The following CTNNA3 variants were observed in gnomAD, a reference collection of about 807,000 sequenced individuals.
CTNNA3 encodes the protein catenin alpha-3.
CTNNA3 carries 76 observed loss-of-function variants against 95.7 expected under a neutral mutation model. The observed-to-expected ratio is 0.79, with a 90% CI of 0.66 to 0.96. CTNNA3 has a LOEUF of 0.96. Ranked by LOEUF, CTNNA3 falls within the 40% of genes least tolerant of loss-of-function variation. The probability of loss-of-function intolerance (pLI) is 0.00; values close to 1 mark genes in which losing one functional copy is unlikely to be tolerated. For missense variants in CTNNA3, 1,191 were observed against 1,089.8 expected (o/e 1.09, Z -1.31); for synonymous variants, 431 against 374.4 (o/e 1.15, Z -1.74).
At chr10:66,520,560 T>C in intron 11 of CTNNA3, 57 bp downstream of exon 11, 4 of 1,503,170 alleles carry the variant, frequency 2.7e-6, no homozygotes, top group Non-Finnish European at 3.6e-6. Flanking sequence ...CCCAGTATTA[T>C]TCTATTTTAT....
At chr10:66,612,495 C>T (rs145086624) in intron 10 of CTNNA3, among the ~76,000 whole-genome samples, 1 of 152,018 alleles carries the variant, frequency 6.6e-6, no homozygotes, top group Non-Finnish European at 1.5e-5. Flanking sequence ...TTAAGTGGGG[C>T]AACATCACTT....
intron 11 of CTNNA3, among the ~76,000 whole-genome samples, chr10:66,503,644 T>A (rs1452242969): frequency 6.6e-6 from 1 of 152,008 alleles, no homozygotes; most frequent in Non-Finnish European, 1.5e-5. Context: ...AATTTTTGTG[T>A]TTTTAGTAGA....
At chr10:66,229,987 T>A (rs2089509313) in intron 13 of CTNNA3, among the ~76,000 whole-genome samples, 1 of 152,102 alleles carries the variant, frequency 6.6e-6, no homozygotes, top group Non-Finnish European at 1.5e-5. Context: ...GAAATTTTTT[T>A]TCTGCTTAAT....
chr10:66,040,918 G>A (rs778457709), intron 15 of CTNNA3, among the ~76,000 whole-genome samples: 9 of 152,090 alleles, frequency 5.9e-5, no homozygotes, highest in African/African-American at 1.2e-4. Flanking sequence ...ATTAGTATGC[G>A]AAAGTTTGAG....
intron 7 of CTNNA3, among the ~76,000 whole-genome samples, chr10:67,083,230 G>A (rs539899179): frequency 1.3e-5 from 2 of 152,076 alleles, no homozygotes; most frequent in South Asian, 4.1e-4. Flanking sequence ...TAAAAAGAAA[G>A]TGTCTAAAGT....
chr10:67,576,315 T>A (rs950688095), intron 3 of CTNNA3, among the ~76,000 whole-genome samples: 6 of 152,152 alleles, frequency 3.9e-5, no homozygotes, highest in African/African-American at 1.4e-4. Flanking sequence ...TTGACCTAAG[T>A]AAATAGATGA....
At chr10:67,079,006 A>G (rs1232109352) in intron 7 of CTNNA3, among the ~76,000 whole-genome samples, 1 of 152,136 alleles carries the variant, frequency 6.6e-6, no homozygotes. Flanking sequence ...TGAAGTTTGG[A>G]TACAATTTCT....
At chr10:66,288,373 T>C (rs975466572) in intron 12 of CTNNA3, among the ~76,000 whole-genome samples, 1 of 151,674 alleles carries the variant, frequency 6.6e-6, no homozygotes, top group Non-Finnish European at 1.5e-5. Flanking sequence ...AAAAATAAAA[T>C]TCAATCAACA....
intron 5 of CTNNA3, among the ~76,000 whole-genome samples, chr10:67,249,786 G>T (rs976449281): frequency 2.0e-5 from 3 of 152,132 alleles, no homozygotes; most frequent in Admixed American, 1.3e-4. Context: ...ACAGGGCTCA[G>T]TCACACACAT....
intron 11 of CTNNA3, among the ~76,000 whole-genome samples, chr10:66,505,465 G>A (rs1376918887): frequency 6.6e-6 from 1 of 152,096 alleles, no homozygotes; most frequent in African/African-American, 2.4e-5. Flanking sequence ...AATCACAGAT[G>A]ACTCAGGGGA....
At chr10:67,688,955 C>T (rs1002097278) in intron 1 of CTNNA3, among the ~76,000 whole-genome samples, 2 of 152,156 alleles carry the variant, frequency 1.3e-5, no homozygotes, top group Non-Finnish European at 2.9e-5. Flanking sequence ...CGAGGAAGGT[C>T]AGATTTAGTG....
chr10:66,931,766 A>G (rs988252472), intron 7 of CTNNA3, among the ~76,000 whole-genome samples: 3 of 152,204 alleles, frequency 2.0e-5, no homozygotes. Flanking sequence ...CAGAGGCCAT[A>G]GAATTGGTAC....
At chr10:66,485,006 T>C (rs573802088) in intron 11 of CTNNA3, among the ~76,000 whole-genome samples, 2 of 152,024 alleles carry the variant, frequency 1.3e-5, no homozygotes, top group South Asian at 4.1e-4. Context: ...TATCAATAAA[T>C]ACAGAAAATC....
At chr10:67,700,317 C>T (rs1205739744), upstream of CTNNA3, among the ~76,000 whole-genome samples, 1 of 152,186 alleles carries the variant, frequency 6.6e-6, no homozygotes, top group Non-Finnish European at 1.5e-5. Flanking sequence ...GGGCAGACTG[C>T]CTCCTCAAGT....
intron 1 of CTNNA3, among the ~76,000 whole-genome samples, chr10:67,683,943 T>C (rs1457725126): frequency 2.0e-5 from 3 of 151,584 alleles, no homozygotes; most frequent in Admixed American, 6.6e-5. Context: ...ACCCTCGTGG[T>C]GAGTATTACA....
intron 2 of CTNNA3, among the ~76,000 whole-genome samples, chr10:67,613,796 C>T (rs770700102): frequency 1.3e-5 from 2 of 151,668 alleles, no homozygotes; most frequent in Admixed American, 6.6e-5. Flanking sequence ...GCCACGGTTC[C>T]CCAACCTTTT....
intron 4 of CTNNA3, among the ~76,000 whole-genome samples, chr10:67,539,203 G>GTTAT (rs762527247): frequency 1.6e-4 from 24 of 151,938 alleles, no homozygotes; most frequent in Non-Finnish European, 2.6e-4. Context: ...ATATAATTAT[G>GTTAT]TTATTTATTT....
intron 11 of CTNNA3, among the ~76,000 whole-genome samples, chr10:66,442,130 A>T (rs1358103825): frequency 6.6e-6 from 1 of 152,178 alleles, no homozygotes; most frequent in Non-Finnish European, 1.5e-5. Flanking sequence ...ACTATTTCCT[A>T]AAAAATATAG....
At chr10:66,957,239 G>A (rs957768794) in intron 7 of CTNNA3, among the ~76,000 whole-genome samples, 1 of 151,880 alleles carries the variant, frequency 6.6e-6, no homozygotes, top group Non-Finnish European at 1.5e-5. Context: ...ATCAAAAGAA[G>A]TGAGATGTAA....
Sources: gnomAD v4.1 joint callset for allele counts (sites outside exome capture counted in the v4.1 genomes callset) on GRCh38, gnomAD v4.1.1 for gene constraint, MANE v1.5 for transcripts, NCBI Gene and HGNC (gene_info 2026-07-23, HGNC 2026-07-21) for gene names.